NXN: variants seen among roughly 807,000 people sequenced by gnomAD.
The protein encoded by NXN is nucleoredoxin, also known as nucleoredoxin 1.
A neutral mutation model predicts 48.6 loss-of-function variants in NXN; 16 were observed. The observed-to-expected ratio is 0.33, with a 90% CI of 0.22 to 0.50. The LOEUF (loss-of-function observed/expected upper bound fraction) is 0.50. Ranked by LOEUF, NXN falls within the 20% of genes least tolerant of loss-of-function variation. The pLI is 0.98. For synonymous variants in NXN, 281 were observed against 269.6 expected, an observed-to-expected ratio of 1.04 and a Z score of -0.41; for missense variants, 492 against 605.5, an observed-to-expected ratio of 0.81 and a Z score of 1.97.
chr17:827,945 G>C (rs1342768522), intron 1 of NXN, among the ~76,000 whole-genome samples: 1 of 152,188 alleles, frequency 6.6e-6, no homozygotes, highest in Non-Finnish European at 1.5e-5. Context: ...CCTGTCTGTG[G>C]AGACCTGTAT....
rs1180130709 is a variant in NXN, at chr17:958,696, A to G, written c.360+20623T>C. On this transcript the variant is annotated intron_variant, in intron 1 of 7. Transcript: ENST00000336868. This position sits in a 1 kb window ranked among gnomAD's most constrained non-coding sequence, Gnocchi z 6.9. ...TGAGGCAGGAGAATCACCGAGGCGG[A>G]GGTAGAAGTGAGCCCAGATTGTGCC... Among the ~76,000 whole-genome samples the G allele has an allele frequency of 6.6e-6, 1 of 152,094 alleles. No homozygotes were observed. The highest frequency in any genetic ancestry group is 1.5e-5 in the Non-Finnish European group (1 of 68,034).
At chr17:829,458 C>T (rs1250206165) in intron 1 of NXN, among the ~76,000 whole-genome samples, 1 of 141,002 alleles carries the variant, frequency 7.1e-6, no homozygotes, top group Admixed American at 7.1e-5. Flanking sequence ...CTCGGACTAT[C>T]TTTTTTTTTT....
At chr17:896,857 A>AGGGGGGGG in intron 1 of NXN, 1 of 577,950 alleles carries the variant, frequency 1.7e-6, no homozygotes. Context: ...GGTCCTGACC[A>AGGGGGGGG]CCCGCCCCCG....
At chr17:960,516 TAA>T (rs932953310) in intron 1 of NXN, among the ~76,000 whole-genome samples, 2 of 151,674 alleles carry the variant, frequency 1.3e-5, no homozygotes. Flanking sequence ...GCCAATTTTT[TAA>T]GTTTTTGGAG....
intron 2 of NXN, among the ~76,000 whole-genome samples, chr17:824,084 G>A (rs967677232): frequency 6.1e-5 from 9 of 147,090 alleles, no homozygotes; most frequent in South Asian, 2.2e-4. Context: ...CTGTCGCCCC[G>A]GCTGGAGTGC....
At chr17:853,640 G>A (rs1019032704) in intron 1 of NXN, among the ~76,000 whole-genome samples, 9 of 149,642 alleles carry the variant, frequency 6.0e-5, no homozygotes, top group Admixed American at 6.0e-4. Context: ...ACCAGGTGCT[G>A]TATACATGTC....
chr17:927,496 T>C (rs1213018327), intron 1 of NXN, among the ~76,000 whole-genome samples: 1 of 144,548 alleles, frequency 6.9e-6, no homozygotes. Context: ...TCCCAGCTAC[T>C]TAGGAGGTTG....
chr17:889,155 C>T (rs1245242980), intron 1 of NXN, among the ~76,000 whole-genome samples: 2 of 152,120 alleles, frequency 1.3e-5, no homozygotes, highest in African/African-American at 2.4e-5. Context: ...CTATGTGGCA[C>T]TTACCTTCTC....
chr17:841,103 T>TG (rs1567827135), intron 1 of NXN, among the ~76,000 whole-genome samples: 1 of 152,188 alleles, frequency 6.6e-6, no homozygotes, highest in Non-Finnish European at 1.5e-5. Context: ...CAGAATGGTC[T>TG]GGGGGGCACC....
chr17:885,672 CTTTTTTTTTT>C (rs532225883), intron 1 of NXN, among the ~76,000 whole-genome samples: 43 of 83,752 alleles, frequency 5.1e-4, no homozygotes, highest in African/African-American at 2.0e-3. Context: ...GCGGTACTCG[CTTTTTTTTTT>C]TTTTTTTTTT....
chr17:889,507 G>A (rs2068386050), intron 1 of NXN, among the ~76,000 whole-genome samples: 1 of 152,068 alleles, frequency 6.6e-6, no homozygotes, highest in African/African-American at 2.4e-5. Flanking sequence ...GACCAGCCTG[G>A]CCAACAAGGC....
At chr17:870,325 G>A (rs1371103339) in intron 1 of NXN, among the ~76,000 whole-genome samples, 2 of 152,134 alleles carry the variant, frequency 1.3e-5, no homozygotes. Flanking sequence ...TTACTAACGG[G>A]GCAAGCACCT....
In NXN at chr17:899,184, C is replaced by G. The variant is rs544168374; in HGVS notation, c.361-73106G>C. 3.0e-4 allele frequency among the ~76,000 whole-genome samples: 45 copies of G among 152,278 alleles called. 1 individual carries two copies. Among genetic ancestry groups the G allele is most frequent in the African/African-American group, 1.0e-3 (43 of 41,560 alleles). On this transcript the variant is annotated intron_variant, in intron 1 of 7. Transcript: ENST00000336868. ...TGTTGGTCAGGCTCGTCTTGAACTCCTGACCTCAGGTGATCCACCCGCCTC... is the reference window on the plus strand; with the variant it reads ...TGTTGGTCAGGCTCGTCTTGAACTCGTGACCTCAGGTGATCCACCCGCCTC...
intron 1 of NXN, 81 bp downstream of exon 1, chr17:979,238 C>CCGGGGT: frequency 1.2e-6 from 1 of 853,972 alleles, no homozygotes; most frequent in Non-Finnish European, 1.4e-6. Flanking sequence ...TGGCGGAGGG[C>CCGGGGT]AGGGGTAACG....
At position 818,244 on chromosome 17, in the gene NXN, C is replaced by T. The variant is rs571544949; in HGVS notation, c.820+1195G>A. 5.4e-4 allele frequency among the ~76,000 whole-genome samples: 82 copies of T among 151,868 alleles called. No homozygotes were observed. In the Middle Eastern group the frequency reaches 0.01, roughly 19 times the overall value. ...CCACTGCACTCCAGCCTGGGCGACA[C>T]GGTGAGACCCTGACTTAAAAATATA... is the stretch of plus-strand genomic sequence containing the variant. On this transcript the variant is annotated intron_variant, in intron 5 of 7. Transcript: ENST00000336868.
intron 1 of NXN, among the ~76,000 whole-genome samples, chr17:963,121 A>G (rs536968919): frequency 1.3e-5 from 2 of 152,048 alleles, no homozygotes; most frequent in Admixed American, 1.3e-4. Flanking sequence ...CTGAGACAGA[A>G]AAAGCAGCAC....
chr17:815,792 G>A (rs1490577562), intron 5 of NXN, among the ~76,000 whole-genome samples: 1 of 152,186 alleles, frequency 6.6e-6, no homozygotes, highest in Non-Finnish European at 1.5e-5. Context: ...ACGTGCCTCC[G>A]GATCATGTGT....
rs1368854911 is a variant in NXN at position 831,887 on chromosome 17, C to T, written c.361-5809G>A. Among the ~76,000 whole-genome samples, 2 of 118,306 alleles carry T rather than the reference C, an allele frequency of 1.7e-5. 1 individual carries two copies. The highest frequency in any genetic ancestry group is 3.6e-5 in the Non-Finnish European group (2 of 56,176). 77.6% of individuals were successfully genotyped at this position (118,306 alleles called of 152,430 possible). ...TGTTGTGGTATATTTCATGAGTGTC[C>T]AGTCTAAGATTAAACTATCCTTGCC... On this transcript the variant is annotated intron_variant, in intron 1 of 7. Coordinates refer to ENST00000336868, the MANE Select transcript of NXN (RefSeq NM_022463.5).
At chr17:953,628 T>C (rs1460461863) in intron 1 of NXN, among the ~76,000 whole-genome samples, 1 of 152,194 alleles carries the variant, frequency 6.6e-6, no homozygotes, top group Non-Finnish European at 1.5e-5. Context: ...ACAGTTGTAC[T>C]TATCACTCCA....
Sources: gnomAD v4.1 joint callset for allele counts (sites outside exome capture counted in the v4.1 genomes callset) on GRCh38, gnomAD v4.1.1 for gene constraint, Gnocchi (gnomAD v3.1) non-coding constraint, MANE v1.5 for transcripts, NCBI Gene and HGNC (gene_info 2026-07-23, HGNC 2026-07-21) for gene names.